Variants in COBL observed in about 807,000 individuals in gnomAD.
The protein encoded by COBL is protein cordon-bleu.
Under a neutral mutation model 98.8 loss-of-function variants are expected in COBL, and 51 were observed. The observed-to-expected ratio is 0.52, with a 90% CI of 0.41 to 0.65. COBL has a LOEUF of 0.65. Among genes scored for constraint, COBL ranks in the 30% least tolerant of loss-of-function variants. The pLI, the probability that COBL is intolerant of heterozygous loss-of-function variation, is 0.00. For synonymous variants in COBL, 634 were observed against 651.7 expected, an observed-to-expected ratio of 0.97 and a Z score of 0.41; for missense variants, 1,617 against 1,617.5, an observed-to-expected ratio of 1.00 and a Z score of 0.01.
At chr7:51,084,291 C>T (rs1412487545) in intron 7 of COBL, among the ~76,000 whole-genome samples, 1 of 152,056 alleles carries the variant, frequency 6.6e-6, no homozygotes, top group Non-Finnish European at 1.5e-5. Flanking sequence ...AGGGCAAAGG[C>T]AAAACGCGGG....
Position 51,077,059 on chromosome 7 carries a change from C to G in COBL, c.1096+8107G>C, listed in dbSNP as rs1015932331. On this transcript the variant is annotated intron_variant, in intron 7 of 12. Coordinates refer to ENST00000265136, the MANE Select transcript of COBL (RefSeq NM_015198.5). ...GGGAATAGGCTCCATTATGGTGATT[C>G]ACAATGAAGGTTCAACTGAAATCAA... Among the ~76,000 whole-genome samples, 11 of 152,222 alleles carry G rather than the reference C, an allele frequency of 7.2e-5. 1 individual carries two copies. The highest frequency in any genetic ancestry group is 2.6e-4 in the Admixed American group (4 of 15,296).
chr7:51,122,580 C>T (rs1797836460), intron 6 of COBL, among the ~76,000 whole-genome samples: 1 of 152,204 alleles, frequency 6.6e-6, no homozygotes, highest in Non-Finnish European at 1.5e-5. Context: ...CTATACTTGG[C>T]TGTTTATTAC....
chr7:51,042,347 T>C (rs1313542504), intron 8 of COBL, among the ~76,000 whole-genome samples: 2 of 152,170 alleles, frequency 1.3e-5, no homozygotes, highest in Non-Finnish European at 2.9e-5. Context: ...AAAGTAAACA[T>C]AACAATGTTT....
At chr7:51,177,181 A>T (rs1788453439) in intron 5 of COBL, among the ~76,000 whole-genome samples, 2 of 152,088 alleles carry the variant, frequency 1.3e-5, no homozygotes, top group Admixed American at 6.5e-5. Flanking sequence ...TGTCTGCAGC[A>T]CCTAGGCCAA....
intron 4 of COBL, among the ~76,000 whole-genome samples, chr7:51,187,331 TACACACAC>T (rs1303777271): frequency 0.012 from 1,169 of 101,430 alleles, 18 homozygotes; most frequent in African/African-American, 0.039. Flanking sequence ...TATATATATA[TACACACAC>T]ACACACACAC....
intron 8 of COBL, among the ~76,000 whole-genome samples, chr7:51,040,104 A>G (rs2128884473): frequency 6.6e-6 from 1 of 152,028 alleles, no homozygotes; most frequent in East Asian, 1.9e-4. Context: ...CCTGAAATTT[A>G]TTGAAAATCA....
chr7:51,224,517 GAA>G (rs1389192903), intron 1 of COBL, among the ~76,000 whole-genome samples: 1 of 150,924 alleles, frequency 6.6e-6, no homozygotes, highest in Non-Finnish European at 1.5e-5. Context: ...TCATATATGA[GAA>G]AAAGAGACAA....
chr7:51,197,075 T>A (rs922541674), intron 2 of COBL, among the ~76,000 whole-genome samples: 6 of 152,156 alleles, frequency 3.9e-5, no homozygotes, highest in African/African-American at 1.4e-4. Flanking sequence ...AGCTTTAGGG[T>A]TGGTTTTCTC....
intron 6 of COBL, among the ~76,000 whole-genome samples, chr7:51,094,809 T>C (rs905543549): frequency 6.6e-6 from 1 of 152,150 alleles, no homozygotes; most frequent in African/African-American, 2.4e-5. Context: ...AAAATATAAG[T>C]ATAAAACTGT....
chr7:51,065,499 G>A (rs1460170268), intron 7 of COBL: 8 of 664,224 alleles, frequency 1.2e-5, no homozygotes, highest in Admixed American at 8.4e-5. Context: ...CCGAATGCAC[G>A]CAGGAATGGT....
At chr7:51,227,222 A>G (rs1174341122) in intron 1 of COBL, among the ~76,000 whole-genome samples, 1 of 152,154 alleles carries the variant, frequency 6.6e-6, no homozygotes, top group African/African-American at 2.4e-5. Flanking sequence ...GGGTCTGGAC[A>G]AGCCTTATTT....
chr7:51,283,676 G>T (rs761514481), intron 1 of COBL, among the ~76,000 whole-genome samples: 1 of 151,912 alleles, frequency 6.6e-6, no homozygotes, highest in Non-Finnish European at 1.5e-5. Context: ...GTAGAGACGG[G>T]GTTTCACCAT....
At chr7:51,263,204 T>C (rs935528069) in intron 1 of COBL, among the ~76,000 whole-genome samples, 2 of 152,086 alleles carry the variant, frequency 1.3e-5, no homozygotes, top group African/African-American at 2.4e-5. Context: ...GCACCTGTCA[T>C]CTACACTGCA....
At chr7:51,275,674 G>GCCACCAC (rs1260935981) in intron 1 of COBL, among the ~76,000 whole-genome samples, 1 of 151,816 alleles carries the variant, frequency 6.6e-6, no homozygotes, top group East Asian at 1.9e-4. Context: ...GCCGCCACCA[G>GCCACCAC]CCACCACCAG....
chr7:51,071,134 C>G (rs1397286095), intron 7 of COBL: 1 of 152,124 alleles, frequency 6.6e-6, no homozygotes, highest in Non-Finnish European at 1.5e-5. Flanking sequence ...AGTTAGAAAA[C>G]GTGAGCTACC....
chr7:51,237,874 G>A (rs927988035), intron 1 of COBL, among the ~76,000 whole-genome samples: 1 of 152,192 alleles, frequency 6.6e-6, no homozygotes, highest in Non-Finnish European at 1.5e-5. Flanking sequence ...AAGCTTTGTG[G>A]TTCTCTCTGA....
At chr7:51,220,376 T>C (rs1279569982) in intron 1 of COBL, among the ~76,000 whole-genome samples, 1 of 152,174 alleles carries the variant, frequency 6.6e-6, no homozygotes, top group East Asian at 1.9e-4. Context: ...TATGGCCAGT[T>C]CTGAGGATCT....
chr7:51,113,372 CATGGCTATTGTT>C (rs1396923988), intron 6 of COBL, among the ~76,000 whole-genome samples: 1 of 152,162 alleles, frequency 6.6e-6, no homozygotes, highest in Admixed American at 6.5e-5. Context: ...TATGAGCTAC[CATGGCTATTGTT>C]TATAAAGTGT....
chr7:51,196,563 T>C (rs1240283557), intron 2 of COBL, among the ~76,000 whole-genome samples: 1 of 152,076 alleles, frequency 6.6e-6, no homozygotes, highest in African/African-American at 2.4e-5. Flanking sequence ...TATTTATTTA[T>C]TTGGAACAGT....
Sources: gnomAD v4.1 joint callset for allele counts (sites outside exome capture counted in the v4.1 genomes callset) on GRCh38, gnomAD v4.1.1 for gene constraint, MANE v1.5 for transcripts, NCBI Gene and HGNC (gene_info 2026-07-23, HGNC 2026-07-21) for gene names.